Variants in MLLT10 observed in about 807,000 individuals in gnomAD.
The protein encoded by MLLT10 is MLLT10 histone lysine methyltransferase DOT1L cofactor.
Under a neutral mutation model 129.1 loss-of-function variants are expected in MLLT10, and 30 were observed. The observed-to-expected ratio is 0.23, with a 90% CI of 0.17 to 0.32. The LOEUF is 0.32. MLLT10 is among the 10% of genes least tolerant of loss of function. MLLT10 has a pLI of 1.00. For missense variants in MLLT10, 1,119 were observed against 1,268.3 expected (o/e 0.88, Z 1.79); for synonymous variants, 490 against 446.4 (o/e 1.10, Z -1.23).
chr10:21,715,203 T>C (rs1640314811), intron 14 of MLLT10, among the ~76,000 whole-genome samples: 1 of 152,202 alleles, frequency 6.6e-6, no homozygotes, highest in South Asian at 2.1e-4. Flanking sequence ...CAATGTTAGG[T>C]TATTTTGATG....
intron 3 of MLLT10, among the ~76,000 whole-genome samples, chr10:21,539,259 T>G (rs1425272340): frequency 6.6e-6 from 1 of 152,216 alleles, no homozygotes; most frequent in East Asian, 1.9e-4. Flanking sequence ...GAAGTTACAT[T>G]GATAATTCTC....
At chr10:21,629,193 C>T (rs1177585565) in intron 8 of MLLT10, among the ~76,000 whole-genome samples, 1 of 151,994 alleles carries the variant, frequency 6.6e-6, no homozygotes, top group Non-Finnish European at 1.5e-5. Flanking sequence ...GCTCTAAGAG[C>T]AACCCAAAAG....
At chr10:21,651,114 C>T (rs2048990196) in intron 8 of MLLT10, among the ~76,000 whole-genome samples, 1 of 151,978 alleles carries the variant, frequency 6.6e-6, no homozygotes, top group Non-Finnish European at 1.5e-5. Context: ...CACTGTTGCC[C>T]AGGCTCGGGT....
At chr10:21,590,772 A>C (rs941805385) in intron 4 of MLLT10, among the ~76,000 whole-genome samples, 4 of 152,070 alleles carry the variant, frequency 2.6e-5, no homozygotes, top group African/African-American at 9.7e-5. Flanking sequence ...GACCAGTCCA[A>C]ATAGAATTGT....
intron 8 of MLLT10, among the ~76,000 whole-genome samples, chr10:21,627,395 A>T (rs1383922001): frequency 6.6e-6 from 1 of 152,188 alleles, no homozygotes; most frequent in African/African-American, 2.4e-5. Context: ...TAATCTACAG[A>T]TCATATTCAA....
chr10:21,651,581 A>G, intron 8 of MLLT10, 92 bp from the exon 9 acceptor site: 2 of 759,576 alleles, frequency 2.6e-6, no homozygotes, highest in Non-Finnish European at 4.4e-6. Flanking sequence ...GTATTTGTTA[A>G]TGTTTTAAAT....
intron 13 of MLLT10, among the ~76,000 whole-genome samples, chr10:21,689,157 A>G (rs2053577200): frequency 6.6e-6 from 1 of 152,088 alleles, no homozygotes; most frequent in African/African-American, 2.4e-5. Context: ...TGACAAGAAT[A>G]TATTAGGTTC....
At chr10:21,567,870 A>C (rs547922534) in intron 3 of MLLT10, among the ~76,000 whole-genome samples, 21 of 146,486 alleles carry the variant, frequency 1.4e-4, no homozygotes, top group Admixed American at 5.5e-4. Flanking sequence ...CCCAGGCTGG[A>C]GTGCAGTGGT....
At chr10:21,610,327 A>G (rs2044475851) in intron 5 of MLLT10, among the ~76,000 whole-genome samples, 1 of 152,170 alleles carries the variant, frequency 6.6e-6, no homozygotes, top group Admixed American at 6.5e-5. Flanking sequence ...GGGTAAAACT[A>G]TAGTCCTAGA....
At chr10:21,581,417 G>C (rs1464337883) in intron 3 of MLLT10, among the ~76,000 whole-genome samples, 3 of 151,694 alleles carry the variant, frequency 2.0e-5, no homozygotes, top group Non-Finnish European at 4.4e-5. Flanking sequence ...AAATGCACTT[G>C]TATAGGGCTT....
chr10:21,678,597 A>T (rs1353653163), intron 11 of MLLT10, among the ~76,000 whole-genome samples: 3 of 152,190 alleles, frequency 2.0e-5, no homozygotes, highest in South Asian at 2.1e-4. Context: ...TATTTGTGGC[A>T]CTGTGAAGGT....
chr10:21,645,925 C>G (rs1222798684), intron 8 of MLLT10, among the ~76,000 whole-genome samples: 1 of 152,224 alleles, frequency 6.6e-6, no homozygotes, highest in Non-Finnish European at 1.5e-5. Context: ...CCTGCATAGG[C>G]TGGGTGTGGT....
chr10:21,548,159 A>G (rs911606412), intron 3 of MLLT10, among the ~76,000 whole-genome samples: 3 of 152,126 alleles, frequency 2.0e-5, no homozygotes, highest in African/African-American at 7.2e-5. Context: ...GTTGGTTGAT[A>G]AACAATCTTT....
intron 3 of MLLT10, among the ~76,000 whole-genome samples, chr10:21,559,146 C>T (rs1163676727): frequency 6.6e-6 from 1 of 152,152 alleles, no homozygotes; most frequent in Non-Finnish European, 1.5e-5. Context: ...TGCAGTGGTA[C>T]AATCTTGGCT....
At chr10:21,573,479 A>G (rs1190316582) in intron 3 of MLLT10, among the ~76,000 whole-genome samples, 1 of 152,224 alleles carries the variant, frequency 6.6e-6, no homozygotes, top group African/African-American at 2.4e-5. Context: ...AGTTTTCTCA[A>G]AAGCTTTTTC....
At chr10:21,650,628 T>C (rs1564577693) in intron 8 of MLLT10, among the ~76,000 whole-genome samples, 1 of 152,034 alleles carries the variant, frequency 6.6e-6, no homozygotes, top group African/African-American at 2.4e-5. Flanking sequence ...TCATGAGAAA[T>C]AAACAAATTC....
chr10:21,623,154 A>AT (rs1469842945), intron 8 of MLLT10, among the ~76,000 whole-genome samples: 1 of 152,066 alleles, frequency 6.6e-6, no homozygotes, highest in Non-Finnish European at 1.5e-5. Context: ...CATTGTTAAG[A>AT]TTTTTTCTGG....
rs1270765447 is a variant in MLLT10 at position 21,538,882 on chromosome 10, A to G, written c.210A>G (p.Lys70=). The change falls in exon 3 of 23, where the codon AAA becomes AAG. Residue 70 remains lysine (K), a synonymous_variant. Coordinates refer to ENST00000307729, the MANE Select transcript of MLLT10 (RefSeq NM_001195626.3). ...CCACTGGACCGTGGTTTTGCAGGAA[A>G]TGTGAATCTCAGGAGAGAGCAGCCA... is the stretch of plus-strand genomic sequence containing the variant. ...QVPTGPWFCR[K]CESQERAARV... 6.2e-7 allele frequency: 1 copy of G among 1,613,682 alleles called. No homozygotes were observed. The highest frequency in any genetic ancestry group is 8.5e-7 in the Non-Finnish European group (1 of 1,179,628).
At chr10:21,651,826 C>A in intron 9 of MLLT10, 58 bp downstream of exon 9, 1 of 1,187,998 alleles carries the variant, frequency 8.4e-7, no homozygotes, top group Non-Finnish European at 1.2e-6. Flanking sequence ...TGCTGATTTT[C>A]ACCTCTAAAA....
Sources: allele counts gnomAD v4.1 joint callset (sites outside exome capture counted in the v4.1 genomes callset), GRCh38; gene constraint gnomAD v4.1.1; transcripts MANE v1.5; gene names NCBI Gene and HGNC (gene_info 2026-07-23, HGNC 2026-07-21).